Variants in SCN7A observed in about 807,000 individuals in gnomAD.
SCN7A encodes sodium channel protein type 7 subunit alpha.
A neutral mutation model predicts 155.2 loss-of-function variants in SCN7A; 138 were observed. The ratio of observed to expected loss-of-function variants is 0.89; its 90% confidence interval spans 0.77 to 1.02. The LOEUF (loss-of-function observed/expected upper bound fraction) is 1.02. Ranked by LOEUF, SCN7A falls within the 50% of genes least tolerant of loss-of-function variation. The probability of loss-of-function intolerance (pLI) is 0.00; values close to 1 mark genes in which losing one functional copy is unlikely to be tolerated. For synonymous variants in SCN7A, 693 were observed against 649.0 expected (o/e 1.07, Z -1.03); for missense variants, 2,058 against 1,986.6 (o/e 1.04, Z -0.68).
At chr2:166,441,230 A>G in intron 15 of SCN7A, 166 bp downstream of exon 15, 1 of 495,556 alleles carries the variant, frequency 2.0e-6, no homozygotes, top group Non-Finnish European at 3.5e-6. Flanking sequence ...CACATTTCAA[A>G]TGGAACTAAT....
intron 21 of SCN7A, among the ~76,000 whole-genome samples, chr2:166,414,097 A>ATT (rs1559088048): frequency 2.3e-5 from 2 of 88,768 alleles, no homozygotes; most frequent in South Asian, 3.1e-4. Flanking sequence ...AAATATATAT[A>ATT]ATATATTATA....
Position 166,404,134 on chromosome 2 carries a change from A to G in SCN7A, c.*1446T>C, listed in dbSNP as rs1701015046. 1.3e-5 allele frequency: 2 copies of G among 151,930 alleles called. No individual in the cohort carries two copies. Among genetic ancestry groups the G allele is most frequent in the African/African-American group, 4.8e-5 (2 of 41,406 alleles). 9.4% of individuals were successfully genotyped at this position (151,930 alleles called of 1,614,324 possible). ...TGTTATACAACATATTTAAAGGATG[A>G]TATTTAAATCAATAATATATAAATT... is the stretch of plus-strand genomic sequence containing the variant. On this transcript the variant is annotated 3_prime_UTR_variant, in exon 26 of 26. Transcript: ENST00000643258.
intron 18 of SCN7A, among the ~76,000 whole-genome samples, chr2:166,425,591 T>C (rs1701605199): frequency 6.6e-6 from 1 of 152,064 alleles, no homozygotes; most frequent in African/African-American, 2.4e-5. Context: ...TTCCTTCCTT[T>C]TTCAGCTTCT....
At chr2:166,471,725 TGG>T (rs71820372) in intron 6 of SCN7A, among the ~76,000 whole-genome samples, 40,954 of 134,686 alleles carry the variant, frequency 0.3, 6,270 homozygotes, top group Admixed American at 0.37. Flanking sequence ...CCAGAAAATG[TGG>T]GGGGGGGGGT....
Position 166,432,602 on chromosome 2 carries a change from T to C in SCN7A, c.2308A>G (p.Thr770Ala), listed in dbSNP as rs1701756641. 1 of 1,612,956 alleles carries C rather than the reference T, an allele frequency of 6.2e-7. No individual in the cohort carries two copies. Among genetic ancestry groups the C allele is most frequent in the Admixed American group, 1.7e-5 (1 of 59,898 alleles). The change falls in exon 16 of 26, where the codon ACA becomes GCA. Residue 770 changes from threonine (T) to alanine (A), a missense_variant. By Grantham distance (58) the Thr-to-Ala change is moderately conservative. Transcript: ENST00000643258. ...ATTGTGTCCTTTGGGACATTTTGTG[T>C]TTTGCATAGTATTTTAAGAAGCACA... The part of the protein sequence containing the change: ...NYVLLKILCK[T>A]QNVPKDTMDH...
At chr2:166,464,111 C>T (rs1345578313) in intron 9 of SCN7A, among the ~76,000 whole-genome samples, 1 of 151,026 alleles carries the variant, frequency 6.6e-6, no homozygotes, top group Non-Finnish European at 1.5e-5. Flanking sequence ...ATACGACATA[C>T]ATATGTGTAT....
At chr2:166,462,084 G>A (rs112820423) in intron 10 of SCN7A, 25,320 of 143,858 alleles carry the variant, frequency 0.18, 2,912 homozygotes, top group Admixed American at 0.26. Context: ...GTGAGACTCC[G>A]TCTCAAAAAA....
chr2:166,462,252 T>C, intron 10 of SCN7A, 137 bp downstream of exon 10: 1 of 911,142 alleles, frequency 1.1e-6, no homozygotes, highest in Non-Finnish European at 1.6e-6. Flanking sequence ...CATTCAGTAA[T>C]TCTAGTTCTC....
chr2:166,475,245 T>G (rs1469559796), intron 3 of SCN7A, among the ~76,000 whole-genome samples: 1 of 148,306 alleles, frequency 6.7e-6, no homozygotes, highest in Non-Finnish European at 1.5e-5. Flanking sequence ...TTTTATAGCT[T>G]ACAGTCTAAA....
chr2:166,488,793 A>G (rs1201712228), intron 1 of SCN7A, among the ~76,000 whole-genome samples: 2 of 151,922 alleles, frequency 1.3e-5, no homozygotes, highest in African/African-American at 4.8e-5. Context: ...GCATGCTACT[A>G]CACCTGGCTA....
intron 15 of SCN7A, 57 bp from the exon 16 acceptor site, chr2:166,432,809 A>G (rs553946542): frequency 4.4e-5 from 58 of 1,317,540 alleles, no homozygotes; most frequent in Admixed American, 6.1e-5. Context: ...ATTTTAAGTA[A>G]TGAAAAGTTT....
chr2:166,440,418 T>A (rs897744204), intron 15 of SCN7A, among the ~76,000 whole-genome samples: 2 of 152,100 alleles, frequency 1.3e-5, no homozygotes, highest in Non-Finnish European at 2.9e-5. Flanking sequence ...AGGTCTGGGA[T>A]TGGGGTCTGG....
Position 166,406,028 on chromosome 2 carries a change from T to A in SCN7A, c.4601A>T (p.Asp1534Val), listed in dbSNP as rs757416326. ...TGCAAAATCTGAAAGCTTGCTAGAG[T>A]CTATGTACTGGGTCCTATCAGGATC... ...RFDPDRTQYIDSSKLSDFAAA... is the reference protein window; with the variant it reads ...RFDPDRTQYIVSSKLSDFAAA... The change falls in exon 26 of 26, where the codon GAC (aspartate) becomes GTC (valine). Residue 1534 changes from aspartate to valine, a missense_variant. Asp to Val is a radical substitution (Grantham distance 152). Transcript: ENST00000643258. 1 of 1,612,868 alleles carries A rather than the reference T, an allele frequency of 6.2e-7. No homozygotes were observed. Among genetic ancestry groups the A allele is most frequent in the Non-Finnish European group, 8.5e-7 (1 of 1,179,374 alleles).
At chr2:166,419,474 C>A in intron 20 of SCN7A, among the ~76,000 whole-genome samples, 1 of 151,512 alleles carries the variant, frequency 6.6e-6, no homozygotes, top group South Asian at 2.1e-4. Context: ...CCTCTCACCT[C>A]ATCTCACCTC....
chr2:166,459,233 A>G (rs182824252), intron 10 of SCN7A, among the ~76,000 whole-genome samples: 163 of 152,290 alleles, frequency 1.1e-3, no homozygotes, highest in Middle Eastern at 3.4e-3. Context: ...TGCTGTCTCC[A>G]CTATATAATG....
Position 166,470,651 on chromosome 2 carries a change from T to A in SCN7A, c.628A>T (p.Thr210Ser). ...DFIPTLQTAR[T>S]LRILKIIPLN... Reference sequence around the variant, plus strand: ...GGAATAATTTTTAAAATTCTCAAAGTTCTTGCAGTTTGAAGCGTTGGAATG... The same window carrying A: ...GGAATAATTTTTAAAATTCTCAAAGATCTTGCAGTTTGAAGCGTTGGAATG... The change falls in exon 7 of 26, where the codon ACT (threonine) becomes TCT (serine). Residue 210 changes from threonine (T) to serine (S), a missense_variant. Transcript: ENST00000643258. The A allele has an allele frequency of 6.2e-7, 1 of 1,608,962 alleles. No individual in the cohort carries two copies. The highest frequency in any genetic ancestry group is 8.5e-7 in the Non-Finnish European group (1 of 1,176,908).
Position 166,432,527 on chromosome 2 carries a change from G to A in SCN7A, c.2383C>T (p.Leu795Phe). ...TCTTGGGTGTTGCTCAATTCAGAAA[G>A]GGTATGGTCAGAAATATCTTCTTTA... ...YVKEDISDHT[L>F]SELSNTQDFL... Residue 795 changes from leucine (L) to phenylalanine (F), a missense_variant, in exon 16 of 26, where the codon CTT (leucine) becomes TTT (phenylalanine). Leu to Phe is a conservative substitution (Grantham distance 22). Transcript: ENST00000643258. 1.2e-6 allele frequency: 2 copies of A among 1,613,570 alleles called. No homozygotes were observed. Among genetic ancestry groups the A allele is most frequent in the South Asian group, 2.2e-5 (2 of 91,062 alleles).
chr2:166,419,215 T>A (rs1701456003), intron 20 of SCN7A, among the ~76,000 whole-genome samples: 1 of 152,106 alleles, frequency 6.6e-6, no homozygotes, highest in African/African-American at 2.4e-5. Context: ...AAAAAAGAGT[T>A]TATTTTAGTT....
chr2:166,415,660 T>C (rs113218445), intron 21 of SCN7A, among the ~76,000 whole-genome samples: 1,815 of 152,250 alleles, frequency 0.012, 49 homozygotes, highest in African/African-American at 0.04. Flanking sequence ...GTTCCCAAAT[T>C]AATACTTTTA....
Sources: allele counts gnomAD v4.1 joint callset (sites outside exome capture counted in the v4.1 genomes callset), GRCh38; gene constraint gnomAD v4.1.1; transcripts MANE v1.5; gene names NCBI Gene and HGNC (gene_info 2026-07-23, HGNC 2026-07-21).